Variants in MID1 observed in about 807,000 individuals in gnomAD.
MID1 encodes E3 ubiquitin-protein ligase Midline-1.
In MID1, 7 loss-of-function variants were observed where a neutral mutation model predicts 40.4. The ratio of observed to expected loss-of-function variants is 0.17; its 90% CI spans 0.10 to 0.33. The LOEUF is 0.33. Ranked by LOEUF, MID1 falls within the 10% of genes least tolerant of loss-of-function variation. MID1 has a pLI of 1.00. For missense variants in MID1, 367 were observed against 558.5 expected (o/e 0.66, Z 3.46); for synonymous variants, 229 against 221.2 (o/e 1.04, Z -0.31).
chrX:10,749,352 T>G (rs1000463386), intron 1 of MID1, among the ~76,000 whole-genome samples: 1 of 111,150 alleles, frequency 9.0e-6, no homozygotes, highest in Non-Finnish European at 1.9e-5. Context: ...CCTGGGAGCT[T>G]GGTAGAAACA....
intron 2 of MID1, among the ~76,000 whole-genome samples, chrX:10,525,708 C>G (rs1226901444): frequency 8.9e-6 from 1 of 112,384 alleles, no homozygotes; most frequent in East Asian, 2.8e-4. Context: ...GGCACAGATC[C>G]TAGTTTGACT....
intron 1 of MID1, among the ~76,000 whole-genome samples, chrX:10,605,746 C>T (rs142495981): frequency 0.024 from 2,637 of 111,771 alleles, 92 homozygotes; most frequent in African/African-American, 0.081. Context: ...TCAGTGTATT[C>T]TTTCTTCATA....
At chrX:10,694,558 G>A (rs2043150001) in intron 1 of MID1, among the ~76,000 whole-genome samples, 1 of 111,807 alleles carries the variant, frequency 8.9e-6, no homozygotes, top group South Asian at 3.7e-4. Flanking sequence ...TTTTCCAGAG[G>A]AATCAACTTT....
At chrX:10,546,408 T>C (rs191733038) in intron 2 of MID1, among the ~76,000 whole-genome samples, 1 of 112,311 alleles carries the variant, frequency 8.9e-6, no homozygotes, top group East Asian at 2.8e-4. Flanking sequence ...GTTCAATAAG[T>C]CGCTGGCATT....
rs191960746 is a variant in MID1 at position 10,522,787 on chromosome X, C to T, written c.756+305G>A. On this transcript the variant is annotated intron_variant, in intron 3 of 9. Transcript: ENST00000317552. ...CTGGGGTTACAGGCGTGAGCCACCACGCCCGGCCTACAATACCTTTTTTGA... is the reference window on the plus strand; with the variant it reads ...CTGGGGTTACAGGCGTGAGCCACCATGCCCGGCCTACAATACCTTTTTTGA... Among the ~76,000 whole-genome samples, 361 of 112,063 alleles carry T rather than the reference C, an allele frequency of 3.2e-3. 4 individuals are homozygous for T. Among genetic ancestry groups the T allele is most frequent in the Admixed American group, 0.029 (312 of 10,605 alleles).
At chrX:10,677,405 T>C (rs2043029645) in intron 1 of MID1, 1 of 112,343 alleles carries the variant, frequency 8.9e-6, no homozygotes, top group Non-Finnish European at 1.9e-5. Context: ...ATATTCCAGA[T>C]ATGCTATAAT....
intron 1 of MID1, among the ~76,000 whole-genome samples, chrX:10,612,166 A>G (rs967687513): frequency 1.8e-5 from 2 of 112,014 alleles, no homozygotes; most frequent in Non-Finnish European, 3.8e-5. Context: ...CAAGCAATAA[A>G]TATTCATTAT....
upstream of MID1, among the ~76,000 whole-genome samples, chrX:10,625,279 C>T (rs1935984164): frequency 8.9e-6 from 1 of 111,753 alleles, no homozygotes; most frequent in South Asian, 3.8e-4. Context: ...GGCCCACCTA[C>T]ATTATCAAGG....
intron 1 of MID1, among the ~76,000 whole-genome samples, chrX:10,720,940 T>A (rs1371844558): frequency 9.3e-6 from 1 of 107,931 alleles, no homozygotes; most frequent in Non-Finnish European, 1.9e-5. Flanking sequence ...CAGCAAACTA[T>A]CGCAAGGACA....
At chrX:10,774,319 A>G (rs1479007484) in intron 1 of MID1, among the ~76,000 whole-genome samples, 1 of 110,702 alleles carries the variant, frequency 9.0e-6, no homozygotes, top group Admixed American at 9.7e-5. Flanking sequence ...TTTTCAGCCC[A>G]GGTAGTCAGG....
intron 6 of MID1, among the ~76,000 whole-genome samples, chrX:10,470,976 A>C (rs1407927994): frequency 8.9e-6 from 1 of 112,167 alleles, no homozygotes; most frequent in Admixed American, 9.5e-5. Flanking sequence ...AGATTCATTC[A>C]TTTATGTATT....
intron 1 of MID1, among the ~76,000 whole-genome samples, chrX:10,639,774 G>A (rs1230986864): frequency 8.9e-6 from 1 of 111,769 alleles, no homozygotes; most frequent in Non-Finnish European, 1.9e-5. Context: ...AGAAAGGTCG[G>A]GTTACCCACA....
chrX:10,767,407 G>A (rs968751755), intron 1 of MID1, among the ~76,000 whole-genome samples: 2 of 110,263 alleles, frequency 1.8e-5, no homozygotes, highest in Non-Finnish European at 3.8e-5. Flanking sequence ...TGCAAGCTCC[G>A]CCTCCCAGGT....
chrX:10,660,272 G>A (rs772565352), intron 1 of MID1, among the ~76,000 whole-genome samples: 1 of 112,705 alleles, frequency 8.9e-6, no homozygotes, highest in South Asian at 3.7e-4. Context: ...CTGAGGCTGT[G>A]CCACATTCTG....
intron 1 of MID1, among the ~76,000 whole-genome samples, chrX:10,632,277 G>A (rs1018567528): frequency 9.0e-6 from 1 of 111,590 alleles, no homozygotes; most frequent in African/African-American, 3.3e-5. Context: ...TGCTGTACCT[G>A]TTTCTTCTTG....
At position 10,600,410 on chromosome X, in the gene MID1, C is replaced by T. The variant is rs189773592; in HGVS notation, c.-57+19880G>A. Among the ~76,000 whole-genome samples, 6 of 111,257 alleles carry T rather than the reference C, an allele frequency of 5.4e-5. 1 individual carries two copies. The Admixed American group carries it at 5.7e-4, about 11-fold the overall frequency. On this transcript the variant is annotated intron_variant, in intron 1 of 9. Coordinates refer to ENST00000317552, the MANE Select transcript of MID1 (RefSeq NM_000381.4). ...AACATTTATAACTTTAATTTTTCTT[C>T]TAATTAATAAATCTTAATACTTCTC...
intron 1 of MID1, among the ~76,000 whole-genome samples, chrX:10,721,762 T>G (rs757778534): frequency 1.6e-4 from 18 of 109,727 alleles, no homozygotes; most frequent in African/African-American, 6.0e-4. Context: ...GCTAAATCAT[T>G]AGTTTTGCAC....
chrX:10,650,072 T>G (rs756738963), intron 1 of MID1, among the ~76,000 whole-genome samples: 1 of 111,389 alleles, frequency 9.0e-6, no homozygotes, highest in East Asian at 2.8e-4. Flanking sequence ...AGGAGACATA[T>G]AACTCCTGTC....
At chrX:10,768,306 TA>T (rs1043645619) in intron 1 of MID1, among the ~76,000 whole-genome samples, 9 of 109,114 alleles carry the variant, frequency 8.2e-5, no homozygotes, top group Admixed American at 2.0e-4. Context: ...CCTTTCTAAA[TA>T]AAAAAAAAGA....
Sources: gnomAD v4.1 joint callset for allele counts (sites outside exome capture counted in the v4.1 genomes callset) on GRCh38, gnomAD v4.1.1 for gene constraint, MANE v1.5 for transcripts, NCBI Gene and HGNC (gene_info 2026-07-23, HGNC 2026-07-21) for gene names.